The following UBAP2 variants were observed in gnomAD, a reference collection of about 807,000 sequenced individuals.
UBAP2 encodes ubiquitin associated protein 2.
UBAP2 carries 75 observed loss-of-function variants against 139.6 expected under a neutral mutation model. The ratio of observed to expected loss-of-function variants is 0.54; its 90% confidence interval spans 0.45 to 0.65. The LOEUF (loss-of-function observed/expected upper bound fraction) is 0.65. Among genes scored for constraint, UBAP2 ranks in the 30% least tolerant of loss-of-function variants. The probability of loss-of-function intolerance (pLI) is 0.00; values close to 1 mark genes in which losing one functional copy is unlikely to be tolerated. For missense variants in UBAP2, 1,368 were observed against 1,369.6 expected, an observed-to-expected ratio of 1.00 and a Z score of 0.02; for synonymous variants, 526 against 526.2, an observed-to-expected ratio of 1.00 and a Z score of 0.01.
Position 33,978,989 on chromosome 9 carries a change from C to T in UBAP2, c.521-5752G>A, listed in dbSNP as rs79456852. Among the ~76,000 whole-genome samples, 970 of 152,272 alleles carry T rather than the reference C, an allele frequency of 6.4e-3. 4 individuals carry two copies. The highest frequency in any genetic ancestry group is 0.014 in the Middle Eastern group (4 of 294). On this transcript the variant is annotated intron_variant, in intron 6 of 28. Transcript: ENST00000379238. ...GCAGTGGCTTGTGCCTGTAATCCCT[C>T]TGCTTTAGGAGGCCAAGGGAGGAGG...
chr9:33,953,236 C>T, intron 12 of UBAP2, 49 bp downstream of exon 12: 1 of 1,506,184 alleles, frequency 6.6e-7, no homozygotes, highest in Non-Finnish European at 9.1e-7. Context: ...AATACATTTG[C>T]TAATGGGTAT....
intron 2 of UBAP2, among the ~76,000 whole-genome samples, chr9:34,016,326 AGAG>A (rs1479361358): frequency 2.2e-4 from 9 of 41,468 alleles, no homozygotes; most frequent in Admixed American, 3.5e-4. Context: ...AGAAGGAGGA[AGAG>A]GAGGAGGAGG....
At chr9:34,028,307 T>C (rs1427051623) in intron 1 of UBAP2, among the ~76,000 whole-genome samples, 1 of 152,140 alleles carries the variant, frequency 6.6e-6, no homozygotes, top group Non-Finnish European at 1.5e-5. Flanking sequence ...TGCCCATAGC[T>C]GTTTGCACAC....
At chr9:33,935,691 C>CA in intron 17 of UBAP2, 148 bp downstream of exon 17, 1 of 839,004 alleles carries the variant, frequency 1.2e-6, no homozygotes, top group Non-Finnish European at 2.0e-6. Flanking sequence ...CCACAGCCAA[C>CA]ACCTGGTCCA....
At chr9:33,967,213 A>G (rs1247714636) in intron 8 of UBAP2, among the ~76,000 whole-genome samples, 1 of 152,180 alleles carries the variant, frequency 6.6e-6, no homozygotes, top group African/African-American at 2.4e-5. Flanking sequence ...TGTGTCTTGC[A>G]TCTTGTGCTT....
chr9:34,027,886 G>C (rs1477321534), intron 1 of UBAP2, among the ~76,000 whole-genome samples: 1 of 149,188 alleles, frequency 6.7e-6, no homozygotes, highest in Non-Finnish European at 1.5e-5. Flanking sequence ...GAAAAGAAAA[G>C]AATCTCAACT....
At chr9:33,971,792 A>G in intron 7 of UBAP2, 38 bp from the exon 8 acceptor site, 1 of 1,262,194 alleles carries the variant, frequency 7.9e-7, no homozygotes, top group Non-Finnish European at 1.2e-6. Context: ...AGGCAAAAGA[A>G]GCAAACACCT....
rs563015369 is a variant in UBAP2 at position 34,036,365 on chromosome 9, T to C, written c.-42+12460A>G. ...CTCCCGACCTCAGGTGATCTGCCCG[T>C]CTCGGCCTCCCAAAGTGCTGGGATT... On this transcript the variant is annotated intron_variant, in intron 1 of 28. Coordinates refer to ENST00000379238, the MANE Select transcript of UBAP2 (RefSeq NM_001370062.2). 1.2e-3 allele frequency among the ~76,000 whole-genome samples: 186 copies of C among 152,082 alleles called. 1 individual carries two copies. Among genetic ancestry groups the C allele is most frequent in the African/African-American group, 4.2e-3 (176 of 41,508 alleles).
chr9:33,937,216 A>C (rs1824628708), intron 16 of UBAP2, among the ~76,000 whole-genome samples: 1 of 152,160 alleles, frequency 6.6e-6, no homozygotes, highest in Admixed American at 6.5e-5. Flanking sequence ...ATCAACAAGT[A>C]GCAATATACA....
At chr9:33,974,849 A>G (rs1199655172) in intron 6 of UBAP2, among the ~76,000 whole-genome samples, 1 of 146,862 alleles carries the variant, frequency 6.8e-6, no homozygotes, top group African/African-American at 2.5e-5. Context: ...CTGAGGCAGG[A>G]GAATCGCTTG....
chr9:34,021,790 C>T (rs929267955), intron 1 of UBAP2, among the ~76,000 whole-genome samples: 4 of 152,040 alleles, frequency 2.6e-5, no homozygotes, highest in Admixed American at 2.0e-4. Context: ...CCTGCCACCA[C>T]GCCCGACTAA....
chr9:34,002,076 C>A (rs780499690), intron 2 of UBAP2, among the ~76,000 whole-genome samples: 7 of 151,856 alleles, frequency 4.6e-5, no homozygotes, highest in Non-Finnish European at 7.4e-5. Flanking sequence ...CTGACCTCAG[C>A]CTCCTGAGTA....
chr9:33,986,554 C>G (rs932183034), intron 6 of UBAP2, among the ~76,000 whole-genome samples: 1 of 152,190 alleles, frequency 6.6e-6, no homozygotes, highest in African/African-American at 2.4e-5. Flanking sequence ...GCTTTCTCAG[C>G]TCATCCAAAA....
intron 8 of UBAP2, among the ~76,000 whole-genome samples, chr9:33,967,155 A>G (rs1490583667): frequency 6.6e-6 from 1 of 151,510 alleles, no homozygotes. Context: ...ATTTTTTTCC[A>G]TTTTCTGTTT....
chr9:33,957,596 G>A (rs1270448962), intron 10 of UBAP2, among the ~76,000 whole-genome samples: 3 of 152,132 alleles, frequency 2.0e-5, no homozygotes, highest in Admixed American at 2.0e-4. Flanking sequence ...AGGGCATTCA[G>A]GATAAATTTT....
chr9:33,932,608 C>T lies in UBAP2; in HGVS notation c.2129G>A (p.Ser710Asn). The change falls in exon 19 of 29, where the codon AGC becomes AAC. Residue 710 changes from serine to asparagine, a missense_variant. Ser to Asn is a conservative substitution (Grantham distance 46). Transcript: ENST00000379238. ...QLSSSLSSHQ[S>N]SLSAHAALSS... ...GAGGGCTGCATGTGCAGAGAGGCTG[C>T]TCTGGTGGCTGGAGAGCGAACTAGA... is the stretch of plus-strand genomic sequence containing the variant. 1 of 1,614,016 alleles carries T rather than the reference C, an allele frequency of 6.2e-7. No individual in the cohort carries two copies. The highest frequency in any genetic ancestry group is 2.2e-5 in the East Asian group (1 of 44,868).
chr9:34,029,656 C>CA (rs2131324605), intron 1 of UBAP2, among the ~76,000 whole-genome samples: 1 of 151,118 alleles, frequency 6.6e-6, no homozygotes, highest in South Asian at 2.1e-4. Flanking sequence ...GGCAGCATAG[C>CA]AAGACCTTGT....
At chr9:34,023,094 C>A (rs568291497) in intron 1 of UBAP2, among the ~76,000 whole-genome samples, 3 of 152,040 alleles carry the variant, frequency 2.0e-5, no homozygotes, top group African/African-American at 7.2e-5. Flanking sequence ...GGCATGGTGG[C>A]ACGCGCCTGT....
intron 2 of UBAP2, among the ~76,000 whole-genome samples, chr9:34,004,084 C>T (rs897375871): frequency 6.6e-6 from 1 of 152,056 alleles, no homozygotes; most frequent in Admixed American, 6.6e-5. Context: ...AAATGTCTAC[C>T]AGTGTTAAAA....
Sources: gnomAD v4.1 joint callset for allele counts (sites outside exome capture counted in the v4.1 genomes callset) on GRCh38, gnomAD v4.1.1 for gene constraint, MANE v1.5 for transcripts, NCBI Gene and HGNC (gene_info 2026-07-23, HGNC 2026-07-21) for gene names.